MCM7: variants seen among roughly 807,000 people sequenced by gnomAD.
MCM7 encodes DNA replication licensing factor MCM7.
A neutral mutation model predicts 83.5 loss-of-function variants in MCM7; 95 were observed. That is an observed-to-expected ratio of 1.14 (90% CI 0.96 to 1.35). The LOEUF (loss-of-function observed/expected upper bound fraction) is 1.35. Among genes scored for constraint, MCM7 ranks in the 40% most tolerant of loss-of-function variants. The pLI is 0.00. For missense variants in MCM7, 1,087 were observed against 957.4 expected (o/e 1.14, Z -1.79); for synonymous variants, 461 against 352.7 (o/e 1.31, Z -3.44).
At chr7:100,094,584 C>G (rs1048968406) in intron 12 of MCM7, among the ~76,000 whole-genome samples, 2 of 152,142 alleles carry the variant, frequency 1.3e-5, no homozygotes, top group Non-Finnish European at 2.9e-5. Context: ...GGGAAAATGG[C>G]CTTTGTAAGA....
intron 7 of MCM7, 23 bp downstream of exon 7, chr7:100,098,118 C>T (rs751715029): frequency 7.4e-6 from 12 of 1,612,568 alleles, no homozygotes; most frequent in Middle Eastern, 3.3e-4. Flanking sequence ...ATGATCCATT[C>T]CTCATGTCAA....
Position 100,100,445 on chromosome 7 carries a change from T to G in MCM7, c.32-352A>C, listed in dbSNP as rs1383891394. On this transcript the variant is annotated intron_variant, in intron 1 of 14. Transcript: ENST00000303887. Reference sequence around the variant, plus strand: ...ATCCCCCGCCTTCTTTGGGTCCCCTTAGCCCCTGATTTCACCGGGACCTCC... The same window carrying G: ...ATCCCCCGCCTTCTTTGGGTCCCCTGAGCCCCTGATTTCACCGGGACCTCC... The G allele has an allele frequency of 1.1e-5, 11 of 1,006,340 alleles. No individual in the cohort carries two copies. The South Asian group carries it at 4.3e-4, about 39-fold the overall frequency. 62.3% of individuals were successfully genotyped at this position (1,006,340 alleles called of 1,614,324 possible).
chr7:100,097,986 T>C (rs566783559), intron 7 of MCM7, 38 bp from the exon 8 acceptor site: 9 of 1,598,806 alleles, frequency 5.6e-6, no homozygotes, highest in South Asian at 2.2e-5. Context: ...ATGTAATCCC[T>C]TCAACTTGCC....
chr7:100,099,630 C>G lies in MCM7; in HGVS notation c.235G>C (p.Asp79His). 1 of 1,614,148 alleles carries G rather than the reference C, an allele frequency of 6.2e-7. No individual in the cohort carries two copies. The highest frequency in any genetic ancestry group is 8.5e-7 in the Non-Finnish European group (1 of 1,180,050). Reference protein sequence around the residue: ...NARRYAKLFADAVQELLPQYK... With the variant: ...NARRYAKLFAHAVQELLPQYK... ...TGAGGCAGCAGCTCTTGTACGGCAT[C>G]AGCAAAGAGCTTCGCGTAGCGCCTG... Residue 79 changes from aspartate to histidine, a missense_variant, in exon 3 of 15, where the codon GAT (aspartate) becomes CAT (histidine). Coordinates refer to ENST00000303887, the MANE Select transcript of MCM7 (RefSeq NM_005916.5).
chr7:100,099,418 C>CAAAAAAAAAAAAAA lies in MCM7; in HGVS notation c.277-29_277-16dup, dbSNP rs749189763. On this transcript the variant is annotated splice_polypyrimidine_tract_variant and intron_variant, in intron 3 of 14. Coordinates refer to ENST00000303887, the MANE Select transcript of MCM7 (RefSeq NM_005916.5). ...TTATTTACCACCTAAAGGAGAAGAA[C>CAAAAAAAAAAAAAA]AAAAAAAAAAAAAAAAAAGAGCAAC... 1.6e-3 allele frequency: 2,073 copies of CAAAAAAAAAAAAAA among 1,301,760 alleles called. 12 individuals are homozygous for CAAAAAAAAAAAAAA. The highest frequency in any genetic ancestry group is 3.2e-3 in the South Asian group (201 of 62,240). 80.6% of individuals were successfully genotyped at this position (1,301,760 alleles called of 1,614,324 possible).
Position 100,097,311 on chromosome 7 carries a change from C to T in MCM7, c.1191G>A (p.Leu397=), listed in dbSNP as rs755733281. The change falls in exon 10 of 15, where the codon CTG becomes CTA. Residue 397 remains leucine (L), a synonymous_variant. Transcript: ENST00000303887. ...AGCCCAACTACTTACTGCGAGGCGCCAGTCGATCAATGTATGACAGGAGCT... is the reference window on the plus strand; with the variant it reads ...AGCCCAACTACTTACTGCGAGGCGCTAGTCGATCAATGTATGACAGGAGCT... ...KSQLLSYIDR[L]APRSQYTTGR... is the part of the protein sequence containing the mutation. 5 of 1,614,032 alleles carry T rather than the reference C, an allele frequency of 3.1e-6. No homozygotes were observed. The African/African-American group carries it at 6.7e-5, about 22-fold the overall frequency.
At chr7:100,096,901 G>C (rs982600229) in intron 10 of MCM7, among the ~76,000 whole-genome samples, 6 of 151,974 alleles carry the variant, frequency 3.9e-5, no homozygotes, top group Non-Finnish European at 8.8e-5. Context: ...AGGATATCGA[G>C]ACCATCTGGC....
intron 12 of MCM7, among the ~76,000 whole-genome samples, 178 bp downstream of exon 12, chr7:100,095,209 G>C (rs1191688032): frequency 6.6e-6 from 1 of 152,208 alleles, no homozygotes; most frequent in Non-Finnish European, 1.5e-5. Context: ...AAAATTTCCT[G>C]TGTCCCTATG....
In MCM7 at chr7:100,092,921, G is replaced by A. The variant is rs1795388443; in HGVS notation, c.*11C>T. The A allele has an allele frequency of 3.7e-6, 6 of 1,614,074 alleles. No homozygotes were observed. Among genetic ancestry groups the A allele is most frequent in the African/African-American group, 2.7e-5 (2 of 74,944 alleles). On this transcript the variant is annotated 3_prime_UTR_variant, in exon 15 of 15. Transcript: ENST00000303887. ...GAACAAGAGGACCCCAGGGTTGCAA[G>A]CAGGCTGGAATCAGACAAAAGTGAT...
intron 12 of MCM7, 61 bp from the exon 13 acceptor site, chr7:100,094,402 C>T: frequency 2.5e-6 from 4 of 1,591,052 alleles, no homozygotes; most frequent in African/African-American, 1.3e-5. Context: ...TGAATATGAG[C>T]CCATGTTGTT....
chr7:100,099,224 C>T, intron 4 of MCM7, 21 bp from the exon 5 acceptor site: 1 of 1,614,066 alleles, frequency 6.2e-7, no homozygotes, highest in Non-Finnish European at 8.5e-7. Flanking sequence ...AAAACAGTCA[C>T]AAACAAGATC....
At chr7:100,098,076 GT>G (rs1795739260) in intron 7 of MCM7, 64 bp downstream of exon 7, 3 of 1,591,662 alleles carry the variant, frequency 1.9e-6, no homozygotes, top group Non-Finnish European at 2.6e-6. Flanking sequence ...TTTTCTCTGT[GT>G]GGGTAGAATG....
intron 1 of MCM7, chr7:100,100,600 C>G (rs1795934747): frequency 1.0e-6 from 1 of 989,860 alleles, no homozygotes; most frequent in African/African-American, 1.7e-5. Flanking sequence ...AGGGCGGGAG[C>G]CAGTCCAGCC....
chr7:100,093,623 C>T (rs1221351639), intron 13 of MCM7: 2 of 758,820 alleles, frequency 2.6e-6, no homozygotes, highest in Non-Finnish European at 4.9e-6. Context: ...TTGCCCAAGT[C>T]TCCGCCTCTC....
chr7:100,093,881 G>T (rs776585881), intron 13 of MCM7: 1 of 664,830 alleles, frequency 1.5e-6, no homozygotes, highest in South Asian at 1.5e-5. Context: ...CAGAAAGGAA[G>T]GTCTGTAGCA....
chr7:100,095,927 C>T lies in MCM7; in HGVS notation c.1442G>A (p.Arg481His), dbSNP rs748250063. 3 of 1,614,030 alleles carry T rather than the reference C, an allele frequency of 1.9e-6. No homozygotes were observed. The highest frequency in any genetic ancestry group is 2.2e-5 in the East Asian group (1 of 44,884). ...GTTGGCGGCAGCCAGGATGGAGCAGCGGGCATTGAGTGTGGTGAGAATGCC... is the reference window on the plus strand; with the variant it reads ...GTTGGCGGCAGCCAGGATGGAGCAGTGGGCATTGAGTGTGGTGAGAATGCC... ...KAGILTTLNA[R>H]CSILAAANPA... Residue 481 changes from arginine to histidine, a missense_variant, in exon 11 of 15, where the codon CGC (arginine) becomes CAC (histidine). Coordinates refer to ENST00000303887, the MANE Select transcript of MCM7 (RefSeq NM_005916.5).
At chr7:100,095,508 G>A (rs1354554694) in intron 11 of MCM7, 38 bp from the exon 12 acceptor site, 1 of 1,592,250 alleles carries the variant, frequency 6.3e-7, no homozygotes, top group South Asian at 1.1e-5. Context: ...ACCCTTTTTA[G>A]GGCTACGCAC....
chr7:100,099,415 GAACAA>G lies in MCM7; in HGVS notation c.277-17_277-13del. The stretch of plus-strand genomic sequence containing the variant: ...TCTTTATTTACCACCTAAAGGAGAA[GAACAA>G]AAAAAAAAAAAAAAAAGAGCAACAG... On this transcript the variant is annotated splice_polypyrimidine_tract_variant and intron_variant, in intron 3 of 14. Transcript: ENST00000303887. 1 of 837,976 alleles carries G rather than the reference GAACAA, an allele frequency of 1.2e-6. No individual in the cohort carries two copies. The highest frequency in any genetic ancestry group is 2.8e-5 in the South Asian group (1 of 35,492). 51.9% of individuals were successfully genotyped at this position (837,976 alleles called of 1,614,324 possible).
Position 100,097,384 on chromosome 7 carries a change from C to T in MCM7, c.1118G>A (p.Gly373Asp). The change falls in exon 10 of 15, where the codon GGC becomes GAC. Residue 373 changes from glycine to aspartate, a missense_variant and splice_region_variant. Coordinates refer to ENST00000303887, the MANE Select transcript of MCM7 (RefSeq NM_005916.5). The stretch of plus-strand genomic sequence containing the variant: ...CCCCATCAGACAGATGTTGATGTTG[C>T]CTGGAGGAAGGGAAGGCAGCCCTGG... ...DQSPRGMKIR[G>D]NINICLMGDP... 6.2e-7 allele frequency: 1 copy of T among 1,614,112 alleles called. No homozygotes were observed.
Sources: gnomAD v4.1 joint callset for allele counts (sites outside exome capture counted in the v4.1 genomes callset) on GRCh38, gnomAD v4.1.1 for gene constraint, MANE v1.5 for transcripts, NCBI Gene and HGNC (gene_info 2026-07-23, HGNC 2026-07-21) for gene names.